NLGN1: variants seen among roughly 807,000 people sequenced by gnomAD.
The protein encoded by NLGN1 is neuroligin 1.
A neutral mutation model predicts 65.5 loss-of-function variants in NLGN1; 12 were observed. The ratio of observed to expected loss-of-function variants is 0.18; its 90% CI spans 0.12 to 0.30. NLGN1 has a LOEUF of 0.30. NLGN1 is among the 10% of genes least tolerant of loss of function. The pLI is 1.00. For missense variants in NLGN1, 750 were observed against 1,007.1 expected, an observed-to-expected ratio of 0.74 and a Z score of 3.46; for synonymous variants, 350 against 359.5, an observed-to-expected ratio of 0.97 and a Z score of 0.30.
At chr3:174,202,853 A>T (rs974874667) in intron 4 of NLGN1, 9 of 152,222 alleles carry the variant, frequency 5.9e-5, no homozygotes, top group African/African-American at 2.2e-4. Flanking sequence ...TCAATGAGAG[A>T]TACACACAGG....
At chr3:174,115,195 G>T (rs936878983) in intron 4 of NLGN1, among the ~76,000 whole-genome samples, 1 of 152,140 alleles carries the variant, frequency 6.6e-6, no homozygotes, top group African/African-American at 2.4e-5. Context: ...TTAGATTTGG[G>T]TTCAAATTTT....
chr3:173,672,107 G>A (rs1317547053), intron 3 of NLGN1, among the ~76,000 whole-genome samples: 1 of 152,190 alleles, frequency 6.6e-6, no homozygotes, highest in Non-Finnish European at 1.5e-5. Flanking sequence ...CCAGGAGATA[G>A]AGCTTGCAGT....
At chr3:173,515,867 G>A (rs1733730679) in intron 2 of NLGN1, among the ~76,000 whole-genome samples, 1 of 151,846 alleles carries the variant, frequency 6.6e-6, no homozygotes, top group South Asian at 2.1e-4. Context: ...ATATGCATGG[G>A]TTTATTTCTG....
At chr3:174,079,190 A>C (rs1741630532) in intron 4 of NLGN1, among the ~76,000 whole-genome samples, 2 of 152,062 alleles carry the variant, frequency 1.3e-5, no homozygotes, top group Non-Finnish European at 2.9e-5. Context: ...AAAAATTTAC[A>C]AGAAAAAAAA....
chr3:173,856,868 A>C (rs1364611755), intron 4 of NLGN1, among the ~76,000 whole-genome samples: 1 of 152,174 alleles, frequency 6.6e-6, no homozygotes, highest in Non-Finnish European at 1.5e-5. Flanking sequence ...AGTACAGAAT[A>C]AACTTTAGGA....
At chr3:174,063,557 C>T (rs1218627590) in intron 4 of NLGN1, among the ~76,000 whole-genome samples, 2 of 151,836 alleles carry the variant, frequency 1.3e-5, no homozygotes, top group East Asian at 3.9e-4. Flanking sequence ...TAAAATATGA[C>T]AACATTTGCA....
Position 174,279,509 on chromosome 3 carries a change from C to G in NLGN1, c.1508C>G (p.Ala503Gly). ...GATCAGGTTCCAGCTTGGGCTGATGCAGCCCACGGAGACGAGGTTCCCTAT... is the reference window on the plus strand; with the variant it reads ...GATCAGGTTCCAGCTTGGGCTGATGGAGCCCACGGAGACGAGGTTCCCTAT... The change falls in exon 6 of 7, where the codon GCA (alanine) becomes GGA (glycine). Residue 503 changes from alanine to glycine, a missense_variant. Physicochemically the swap from Ala to Gly is moderately conservative, Grantham distance 60. Coordinates refer to ENST00000457714, the Ensembl canonical transcript of NLGN1. This position sits in a 1 kb window ranked among gnomAD's most constrained non-coding sequence, Gnocchi z 4.7. 3 of 1,613,108 alleles carry G rather than the reference C, an allele frequency of 1.9e-6. No individual in the cohort carries two copies. Among genetic ancestry groups the G allele is most frequent in the Non-Finnish European group, 2.5e-6 (3 of 1,179,502 alleles).
Position 173,453,946 on chromosome 3 carries a change from C to G in NLGN1, c.-321+18868C>G, listed in dbSNP as rs544152372. On this transcript the variant is annotated intron_variant, in intron 2 of 6. Coordinates refer to ENST00000457714, the Ensembl canonical transcript of NLGN1. ...ACCCATCAGAATAATCATTATCAAT[C>G]TGTCTATAGCCTTATGAAATGTATT... Among the ~76,000 whole-genome samples, 89 of 152,344 alleles carry G rather than the reference C, an allele frequency of 5.8e-4. 1 individual carries two copies. The highest frequency in any genetic ancestry group is 4.8e-3 in the South Asian group (23 of 4,828).
chr3:173,512,102 G>A (rs1253727473), intron 2 of NLGN1, among the ~76,000 whole-genome samples: 2 of 152,136 alleles, frequency 1.3e-5, no homozygotes, highest in Non-Finnish European at 2.9e-5. Flanking sequence ...CAGGGTGCCT[G>A]TGACCTCAAG....
intron 2 of NLGN1, among the ~76,000 whole-genome samples, chr3:173,508,231 A>G (rs1422809012): frequency 6.6e-6 from 1 of 152,152 alleles, no homozygotes; most frequent in Non-Finnish European, 1.5e-5. Context: ...TAGTGTTATG[A>G]TTAGCAATTC....
chr3:174,152,397 C>CA (rs923537247), intron 4 of NLGN1, among the ~76,000 whole-genome samples: 4 of 151,624 alleles, frequency 2.6e-5, no homozygotes, highest in Admixed American at 6.6e-5. Flanking sequence ...TTTAAAAATA[C>CA]AAAAAAACAA....
At chr3:173,678,497 G>T (rs76532435) in intron 3 of NLGN1, among the ~76,000 whole-genome samples, 2 of 152,032 alleles carry the variant, frequency 1.3e-5, no homozygotes, top group Non-Finnish European at 2.9e-5. Flanking sequence ...TGAAGGAATC[G>T]TAGGAATTAA....
intron 4 of NLGN1, among the ~76,000 whole-genome samples, chr3:174,129,416 A>G (rs935101844): frequency 1.4e-5 from 2 of 144,696 alleles, no homozygotes; most frequent in Non-Finnish European, 3.0e-5. Flanking sequence ...CATTCATTCT[A>G]CAGTATCTAG....
rs541526158 is a variant in NLGN1, at chr3:173,955,253, A to G, written c.646+147421A>G. ...CCGTGCAAAAATAAGTCAATGGGCA[A>G]AATTTGGTATGTGAACCATCTTTTG... On this transcript the variant is annotated intron_variant, in intron 4 of 6. Coordinates refer to ENST00000457714, the Ensembl canonical transcript of NLGN1. 3.2e-4 allele frequency among the ~76,000 whole-genome samples: 49 copies of G among 152,332 alleles called. 1 individual carries two copies. Among genetic ancestry groups the G allele is most frequent in the African/African-American group, 1.1e-3 (46 of 41,584 alleles).
chr3:173,838,766 A>G (rs1012660863), intron 4 of NLGN1, among the ~76,000 whole-genome samples: 3 of 152,182 alleles, frequency 2.0e-5, no homozygotes, highest in African/African-American at 7.2e-5. Context: ...GAAAGAGAAA[A>G]ATGGGACTTA....
At chr3:174,032,404 A>G (rs989550493) in intron 4 of NLGN1, among the ~76,000 whole-genome samples, 21 of 152,338 alleles carry the variant, frequency 1.4e-4, no homozygotes, top group African/African-American at 4.6e-4. Flanking sequence ...TAAGCTCTTT[A>G]GGTGGTATCA....
rs1170344249 is a variant in NLGN1 at position 174,188,692 on chromosome 3, A to AT, written c.647-86623_647-86622insT. ...GACAACAGAGACTATTTATAAACTCACCCTTTTTTTCCAGGTATTAGACCT... is the reference window on the plus strand; with the variant it reads ...GACAACAGAGACTATTTATAAACTCATCCCTTTTTTTCCAGGTATTAGACCT... On this transcript the variant is annotated intron_variant, in intron 4 of 6. Transcript: ENST00000457714. Among the ~76,000 whole-genome samples the AT allele has an allele frequency of 2.6e-5, 4 of 151,984 alleles. No individual in the cohort carries two copies. In the East Asian group the frequency reaches 5.8e-4, roughly 22 times the overall value.
intron 4 of NLGN1, among the ~76,000 whole-genome samples, chr3:173,841,008 A>G (rs1381835806): frequency 1.3e-5 from 2 of 152,162 alleles, no homozygotes; most frequent in African/African-American, 4.8e-5. Context: ...CATATAGACA[A>G]TTTCACACTG....
At chr3:174,287,329 A>G (rs181177175), downstream of NLGN1, among the ~76,000 whole-genome samples, 2 of 151,594 alleles carry the variant, frequency 1.3e-5, no homozygotes, top group Admixed American at 6.6e-5. Flanking sequence ...TACATAGCCT[A>G]AAGATAAATG....
Sources: gnomAD v4.1 joint callset for allele counts (sites outside exome capture counted in the v4.1 genomes callset) on GRCh38, gnomAD v4.1.1 for gene constraint, Gnocchi (gnomAD v3.1) non-coding constraint, MANE v1.5 for transcripts, NCBI Gene and HGNC (gene_info 2026-07-23, HGNC 2026-07-21) for gene names.